LCLAT1: variants seen among roughly 807,000 people sequenced by gnomAD.
The protein encoded by LCLAT1 is lysocardiolipin acyltransferase 1, also known as 1-AGP acyltransferase 8.
LCLAT1 carries 11 observed loss-of-function variants against 30.7 expected under a neutral mutation model. That is an observed-to-expected ratio of 0.36 (90% CI 0.23 to 0.59). LCLAT1 has a LOEUF of 0.59. Ranked by LOEUF, LCLAT1 falls within the 20% of genes least tolerant of loss-of-function variation. LCLAT1 has a pLI of 0.77. For missense variants in LCLAT1, 402 were observed against 458.6 expected, an observed-to-expected ratio of 0.88 and a Z score of 1.13; for synonymous variants, 155 against 151.3, an observed-to-expected ratio of 1.02 and a Z score of -0.18.
rs1017696370 is a variant in LCLAT1, at chr2:30,641,218, A to C, written c.*599A>C. 1 of 152,270 alleles carries C rather than the reference A, an allele frequency of 6.6e-6. No homozygotes were observed. Among genetic ancestry groups the C allele is most frequent in the Non-Finnish European group, 1.5e-5 (1 of 68,092 alleles). The allele number at this position is 152,270 out of a possible 1,614,324, so 9.4% of individuals were successfully genotyped here. A position where few individuals can be genotyped will look rare whatever the true frequency, so the allele number is the denominator to read the frequency against. On this transcript the variant is annotated 3_prime_UTR_variant, in exon 6 of 6. Transcript: ENST00000379509. ...ATTGTATGCTGACCAAGACGTCAGA[A>C]GACCACCTGTGCCCTTTTCTCTCGT... is the stretch of plus-strand genomic sequence containing the variant.
chr2:30,457,591 A>G (rs1404093750), intron 1 of LCLAT1, among the ~76,000 whole-genome samples: 1 of 152,160 alleles, frequency 6.6e-6, no homozygotes, highest in African/African-American at 2.4e-5. Flanking sequence ...AAGCAAATTC[A>G]TTTCAGTATT....
intron 5 of LCLAT1, among the ~76,000 whole-genome samples, chr2:30,614,445 G>A (rs1043799332): frequency 6.6e-6 from 1 of 152,104 alleles, no homozygotes; most frequent in Non-Finnish European, 1.5e-5. Context: ...CCACATGGAA[G>A]CAATAGGATT....
At chr2:30,622,176 G>C (rs1262086776) in intron 5 of LCLAT1, among the ~76,000 whole-genome samples, 1 of 152,094 alleles carries the variant, frequency 6.6e-6, no homozygotes, top group Non-Finnish European at 1.5e-5. Context: ...AGCAGAGGCA[G>C]CCATAATCCA....
intron 5 of LCLAT1, among the ~76,000 whole-genome samples, chr2:30,635,580 A>T (rs1438710665): frequency 6.6e-6 from 1 of 151,966 alleles, no homozygotes; most frequent in Non-Finnish European, 1.5e-5. Context: ...AAGCAATTTT[A>T]AAAAAACTTT....
At position 30,568,894 on chromosome 2, in the gene LCLAT1, A is replaced by T. The variant is rs979948555; in HGVS notation, c.628+718A>T. On this transcript the variant is annotated intron_variant, in intron 5 of 5. Transcript: ENST00000379509. ...AAAAAAAAAAAAAAAAGAGAAAAAAAATCTTATCACTTAAACTAACCATAT... is the reference window on the plus strand; with the variant it reads ...AAAAAAAAAAAAAAAAGAGAAAAAATATCTTATCACTTAAACTAACCATAT... 2.6e-5 allele frequency among the ~76,000 whole-genome samples: 4 copies of T among 151,722 alleles called. No homozygotes were observed. In the East Asian group the frequency reaches 5.8e-4, roughly 22 times the overall value.
chr2:30,625,893 A>G (rs1054030147), intron 5 of LCLAT1, among the ~76,000 whole-genome samples: 1 of 152,230 alleles, frequency 6.6e-6, no homozygotes, highest in African/African-American at 2.4e-5. Flanking sequence ...TTCTGCAAGT[A>G]TAAAAGAAAG....
intron 1 of LCLAT1, among the ~76,000 whole-genome samples, chr2:30,521,598 C>T (rs1377999367): frequency 7.3e-6 from 1 of 136,608 alleles, no homozygotes; most frequent in Non-Finnish European, 1.5e-5. Context: ...ACCTCTGACT[C>T]CAGGTTCAAG....
intron 3 of LCLAT1, among the ~76,000 whole-genome samples, chr2:30,554,196 G>C (rs1366004781): frequency 6.6e-6 from 1 of 152,178 alleles, no homozygotes; most frequent in Non-Finnish European, 1.5e-5. Context: ...TCCCACATGG[G>C]GAGCAAGAGG....
chr2:30,540,482 T>C (rs531968404), intron 3 of LCLAT1, among the ~76,000 whole-genome samples: 9 of 152,222 alleles, frequency 5.9e-5, no homozygotes, highest in Admixed American at 3.3e-4. Flanking sequence ...TAGATCAGAG[T>C]ATGAGAGATA....
chr2:30,628,204 A>T (rs1260644696), intron 5 of LCLAT1, among the ~76,000 whole-genome samples: 1 of 152,226 alleles, frequency 6.6e-6, no homozygotes, highest in Non-Finnish European at 1.5e-5. Flanking sequence ...TTTAGGAATA[A>T]ATTTTTTAAA....
At chr2:30,621,429 T>C (rs1668244108) in intron 5 of LCLAT1, among the ~76,000 whole-genome samples, 1 of 151,736 alleles carries the variant, frequency 6.6e-6, no homozygotes, top group African/African-American at 2.4e-5. Context: ...GGGGAAAAAA[T>C]GGCGGGTAGG....
chr2:30,563,770 C>T (rs555925280), intron 4 of LCLAT1, among the ~76,000 whole-genome samples: 2 of 152,080 alleles, frequency 1.3e-5, no homozygotes, highest in African/African-American at 4.8e-5. Flanking sequence ...AAAGAGAGTT[C>T]AAGATGAAAA....
chr2:30,617,798 G>T (rs1668065353), intron 5 of LCLAT1, among the ~76,000 whole-genome samples: 1 of 152,092 alleles, frequency 6.6e-6, no homozygotes, highest in African/African-American at 2.4e-5. Context: ...ACCTTCACTG[G>T]TGATATGTTA....
intron 1 of LCLAT1, among the ~76,000 whole-genome samples, chr2:30,522,075 A>T (rs1398561476): frequency 6.6e-6 from 1 of 152,120 alleles, no homozygotes; most frequent in Non-Finnish European, 1.5e-5. Context: ...TGGATGTACT[A>T]CGGTTTTGTT....
rs552232358 is a variant in LCLAT1 at position 30,532,048 on chromosome 2, A to G, written c.166-1068A>G. On this transcript the variant is annotated intron_variant, in intron 2 of 5. Coordinates refer to ENST00000379509, the MANE Select transcript of LCLAT1 (RefSeq NM_001002257.3). ...GATAGTTATTTTCTTCTTGTTCTTT[A>G]TAATTTTAGCATCTATATAATCATC... is the stretch of plus-strand genomic sequence containing the variant. Among the ~76,000 whole-genome samples the G allele has an allele frequency of 2.0e-5, 3 of 152,268 alleles. No individual in the cohort carries two copies. The South Asian group carries it at 6.2e-4, about 32-fold the overall frequency.
chr2:30,459,926 A>G (rs766110387), intron 1 of LCLAT1, among the ~76,000 whole-genome samples: 11 of 152,238 alleles, frequency 7.2e-5, no homozygotes, highest in Non-Finnish European at 1.2e-4. Flanking sequence ...AGAAAATAAA[A>G]TAACACATTT....
chr2:30,615,054 A>T (rs1052509676), intron 5 of LCLAT1, among the ~76,000 whole-genome samples: 2 of 152,160 alleles, frequency 1.3e-5, no homozygotes, highest in African/African-American at 4.8e-5. Context: ...GAAGACAGTG[A>T]GTATAGACAG....
At position 30,533,262 on chromosome 2, in the gene LCLAT1, C is replaced by G. The variant is rs1372351075; in HGVS notation, c.312C>G (p.Leu104=). Reference sequence around the variant, plus strand: ...ATTGCCTGATGCGATATAGCTACCTCAGATTGGAGAAAATTTGCCTCAAAG... The same window carrying G: ...ATTGCCTGATGCGATATAGCTACCTGAGATTGGAGAAAATTTGCCTCAAAG... ...LWNCLMRYSY[L]RLEKICLKAS... is the part of the protein sequence containing the mutation. The change falls in exon 3 of 6, where the codon CTC becomes CTG. Residue 104 remains leucine, a synonymous_variant. Coordinates refer to ENST00000379509, the MANE Select transcript of LCLAT1 (RefSeq NM_001002257.3). The G allele has an allele frequency of 1.9e-6, 3 of 1,614,082 alleles. No homozygotes were observed. The highest frequency in any genetic ancestry group is 1.7e-6 in the Non-Finnish European group (2 of 1,179,966).
At chr2:30,601,667 T>C (rs1302609962) in intron 5 of LCLAT1, among the ~76,000 whole-genome samples, 4 of 38,568 alleles carry the variant, frequency 1.0e-4, no homozygotes, top group African/African-American at 5.6e-4. Flanking sequence ...CCAAGATTAA[T>C]AGATGCACTT....
Sources: allele counts gnomAD v4.1 joint callset (sites outside exome capture counted in the v4.1 genomes callset), GRCh38; gene constraint gnomAD v4.1.1; transcripts MANE v1.5; gene names NCBI Gene and HGNC (gene_info 2026-07-23, HGNC 2026-07-21).